The following ARFGEF3 variants were observed in gnomAD, a reference collection of about 807,000 sequenced individuals.
ARFGEF3 encodes ARFGEF family member 3.
A neutral mutation model predicts 221.7 loss-of-function variants in ARFGEF3; 96 were observed. The observed-to-expected ratio is 0.43, with a 90% CI of 0.37 to 0.51. The LOEUF (loss-of-function observed/expected upper bound fraction) is 0.51, where lower values mean the gene tolerates loss of function less well. ARFGEF3 is among the 20% of genes least tolerant of loss of function. ARFGEF3 has a pLI of 0.00. For missense variants in ARFGEF3, 2,410 were observed against 2,789.9 expected (o/e 0.86, Z 3.07); for synonymous variants, 1,145 against 1,126.8 (o/e 1.02, Z -0.32).
chr6:138,206,343 C>CTTTTTT (rs542624433), intron 2 of ARFGEF3, among the ~76,000 whole-genome samples: 25 of 135,052 alleles, frequency 1.9e-4, no homozygotes, highest in Admixed American at 6.9e-4. Flanking sequence ...AATATCTCTC[C>CTTTTTT]TTTTTTTTTT....
At chr6:138,309,050 A>G (rs1288359216) in intron 24 of ARFGEF3, among the ~76,000 whole-genome samples, 189 bp downstream of exon 24, 1 of 152,198 alleles carries the variant, frequency 6.6e-6, no homozygotes, top group Admixed American at 6.5e-5. Flanking sequence ...TGTAAGGTTG[A>G]TACTTTTCAT....
chr6:138,272,687 C>T (rs1010288694), intron 12 of ARFGEF3, among the ~76,000 whole-genome samples: 2 of 152,090 alleles, frequency 1.3e-5, no homozygotes, highest in Admixed American at 6.6e-5. Flanking sequence ...AAATTAGAGC[C>T]GTAGACTTAA....
chr6:138,288,036 TAAAA>T (rs11450370), intron 17 of ARFGEF3, among the ~76,000 whole-genome samples: 1 of 149,282 alleles, frequency 6.7e-6, no homozygotes, highest in Non-Finnish European at 1.5e-5. Flanking sequence ...CACAGTTCTT[TAAAA>T]AAAAAACCAC....
At chr6:138,239,098 A>G (rs1027163093) in intron 6 of ARFGEF3, among the ~76,000 whole-genome samples, 4 of 152,148 alleles carry the variant, frequency 2.6e-5, no homozygotes, top group African/African-American at 7.2e-5. Context: ...TCTTCTCTCT[A>G]TCATCAAAGC....
rs141335625 is a variant in ARFGEF3, at chr6:138,296,859, C to T, written c.3552C>T (p.Arg1184=). The T allele has an allele frequency of 1.9e-6, 3 of 1,613,892 alleles. No homozygotes were observed. In the African/African-American group the frequency reaches 4.0e-5, roughly 22 times the overall value. The part of the protein sequence containing the change: ...QDRKSALHLF[R]LGNAMLRIVR... Reference sequence around the variant, plus strand: ...GAAAAAGCGCCCTCCACCTGTTCCGCCTGGGGAATGCCATGCTGAGGATTG... The same window carrying T: ...GAAAAAGCGCCCTCCACCTGTTCCGTCTGGGGAATGCCATGCTGAGGATTG... The change falls in exon 21 of 34, where the codon CGC becomes CGT. Residue 1184 remains arginine (R), a synonymous_variant. Transcript: ENST00000251691.
chr6:138,296,069 GC>G (rs1406492932), intron 20 of ARFGEF3, among the ~76,000 whole-genome samples: 3 of 152,076 alleles, frequency 2.0e-5, no homozygotes, highest in Non-Finnish European at 4.4e-5. Flanking sequence ...GGCAAACCCC[GC>G]CCCCCATAGT....
chr6:138,297,076 T>A, intron 21 of ARFGEF3, 121 bp downstream of exon 21: 1 of 1,109,166 alleles, frequency 9.0e-7, no homozygotes, highest in Non-Finnish European at 1.3e-6. Context: ...AGTGGGAACT[T>A]GCCTATCACC....
chr6:138,181,088 C>G (rs1777070686), intron 2 of ARFGEF3, among the ~76,000 whole-genome samples: 1 of 152,164 alleles, frequency 6.6e-6, no homozygotes, highest in African/African-American at 2.4e-5. Flanking sequence ...TTTCCATGTT[C>G]TATTCCCATT....
chr6:138,321,435 G>C (rs765677131), intron 29 of ARFGEF3, among the ~76,000 whole-genome samples: 19 of 152,116 alleles, frequency 1.2e-4, no homozygotes, highest in African/African-American at 4.3e-4. Flanking sequence ...AAAGTATTCT[G>C]GTTCAGTTTC....
rs1341164893 is a variant in ARFGEF3, at chr6:138,327,904, A to G, written c.5002-117A>G. 5.5e-6 allele frequency: 4 copies of G among 725,284 alleles called. No individual in the cohort carries two copies. In the East Asian group the frequency reaches 1.1e-4, roughly 20 times the overall value. 44.9% of individuals were successfully genotyped at this position (725,284 alleles called of 1,614,324 possible). On this transcript the variant is annotated intron_variant, in intron 31 of 33. Coordinates refer to ENST00000251691, the MANE Select transcript of ARFGEF3 (RefSeq NM_020340.5). ...TCTCAACAAACATATCAAATAGGAA[A>G]CCATTATCCTCATTTTATAGATGAG...
chr6:138,211,756 T>C (rs1777731712), intron 4 of ARFGEF3, among the ~76,000 whole-genome samples: 1 of 152,200 alleles, frequency 6.6e-6, no homozygotes, highest in Non-Finnish European at 1.5e-5. Context: ...AAGCAGAACG[T>C]TTAATGGTTA....
rs1780371392 is a variant in ARFGEF3, at chr6:138,338,430, G to A, written c.*1944G>A. The A allele has an allele frequency of 6.6e-6, 1 of 152,192 alleles. No homozygotes were observed. The highest frequency in any genetic ancestry group is 6.5e-5 in the Admixed American group (1 of 15,274). 9.4% of individuals were successfully genotyped at this position (152,192 alleles called of 1,614,324 possible). On this transcript the variant is annotated 3_prime_UTR_variant, in exon 34 of 34. Transcript: ENST00000251691. ...TGGGGGAAAAGGCTTCAGTAAAGCA[G>A]AGGCTAGAATTACAGTATTTATACA...
chr6:138,195,296 A>C (rs1345895171), intron 2 of ARFGEF3, among the ~76,000 whole-genome samples: 1 of 151,808 alleles, frequency 6.6e-6, no homozygotes, highest in African/African-American at 2.4e-5. Flanking sequence ...GAGCCACCGC[A>C]CCTGGCAACC....
intron 2 of ARFGEF3, among the ~76,000 whole-genome samples, chr6:138,203,408 G>T (rs1777571524): frequency 6.6e-6 from 1 of 152,152 alleles, no homozygotes. Context: ...GTTAAGATGA[G>T]ATAAATAATA....
chr6:138,303,086 A>G (rs1432798879), intron 22 of ARFGEF3, among the ~76,000 whole-genome samples: 1 of 152,230 alleles, frequency 6.6e-6, no homozygotes, highest in Non-Finnish European at 1.5e-5. Context: ...TAATATAAAT[A>G]ACATTAGCAG....
chr6:138,235,970 T>C (rs1344461842), intron 5 of ARFGEF3, among the ~76,000 whole-genome samples: 1 of 152,160 alleles, frequency 6.6e-6, no homozygotes, highest in Non-Finnish European at 1.5e-5. Flanking sequence ...GTAGTATATG[T>C]ATAGTATTAG....
intron 4 of ARFGEF3, among the ~76,000 whole-genome samples, chr6:138,213,490 C>A (rs1375338089): frequency 6.6e-6 from 1 of 151,508 alleles, no homozygotes; most frequent in African/African-American, 2.4e-5. Context: ...AGTCATCTTG[C>A]TATACAGTAG....
At chr6:138,274,596 C>T (rs1272379856) in intron 12 of ARFGEF3, among the ~76,000 whole-genome samples, 2 of 151,536 alleles carry the variant, frequency 1.3e-5, no homozygotes, top group Admixed American at 6.6e-5. Flanking sequence ...GTCAGGAGTT[C>T]GAGACCAGAC....
intron 12 of ARFGEF3, among the ~76,000 whole-genome samples, chr6:138,268,048 T>C (rs563344084): frequency 1.3e-5 from 2 of 152,232 alleles, no homozygotes; most frequent in Middle Eastern, 3.2e-3. Flanking sequence ...CCATCACTGC[T>C]GTGGTTCAAC....
Sources: allele counts gnomAD v4.1 joint callset (sites outside exome capture counted in the v4.1 genomes callset), GRCh38; gene constraint gnomAD v4.1.1; transcripts MANE v1.5; gene names NCBI Gene and HGNC (gene_info 2026-07-23, HGNC 2026-07-21).